The following AP3B1 variants were observed in gnomAD, a reference collection of about 807,000 sequenced individuals.
AP3B1 encodes the protein adaptor related protein complex 3 subunit beta 1.
Under a neutral mutation model 132.5 loss-of-function variants are expected in AP3B1, and 61 were observed. That is an observed-to-expected ratio of 0.46 (90% CI 0.37 to 0.57). The LOEUF is 0.57. Among genes scored for constraint, AP3B1 ranks in the 20% least tolerant of loss-of-function variants. The probability of loss-of-function intolerance (pLI) is 0.00; values close to 1 mark genes in which losing one functional copy is unlikely to be tolerated. For synonymous variants in AP3B1, 388 were observed against 438.3 expected (o/e 0.89, Z 1.43); for missense variants, 1,120 against 1,289.4 (o/e 0.87, Z 2.01).
chr5:78,144,704 C>T (rs548169496), intron 14 of AP3B1, among the ~76,000 whole-genome samples: 3 of 152,254 alleles, frequency 2.0e-5, no homozygotes, highest in South Asian at 4.1e-4. Context: ...ATACAAAGTG[C>T]TATTTCAATA....
At chr5:78,253,991 T>C (rs1341797460) in intron 2 of AP3B1, among the ~76,000 whole-genome samples, 3 of 150,374 alleles carry the variant, frequency 2.0e-5, no homozygotes, top group Non-Finnish European at 4.4e-5. Flanking sequence ...ATCAGATAAA[T>C]TTAACAAAGA....
intron 24 of AP3B1, among the ~76,000 whole-genome samples, chr5:78,026,099 T>C (rs1747330016): frequency 6.6e-6 from 1 of 152,188 alleles, no homozygotes. Context: ...ACAACCCCTT[T>C]GATTAAACAG....
chr5:78,094,566 GAGAC>G (rs1750691352), intron 21 of AP3B1, among the ~76,000 whole-genome samples: 1 of 151,990 alleles, frequency 6.6e-6, no homozygotes, highest in African/African-American at 2.4e-5. Flanking sequence ...TGCTGCCTTA[GAGAC>G]AGACAATCAT....
chr5:78,248,819 G>A (rs1370713198), intron 2 of AP3B1, among the ~76,000 whole-genome samples: 1 of 152,106 alleles, frequency 6.6e-6, no homozygotes, highest in Non-Finnish European at 1.5e-5. Flanking sequence ...TGGATATAGA[G>A]TTCTGGGTTA....
At chr5:78,115,854 G>A (rs1372479269) in intron 18 of AP3B1, among the ~76,000 whole-genome samples, 1 of 152,178 alleles carries the variant, frequency 6.6e-6, no homozygotes, top group African/African-American at 2.4e-5. Context: ...ATTAGGCATT[G>A]TGGTTTAGAA....
Position 78,109,755 on chromosome 5 carries a change from T to A in AP3B1, c.2397+452A>T, listed in dbSNP as rs149002096. Among the ~76,000 whole-genome samples the A allele has an allele frequency of 1.8e-3, 280 of 152,268 alleles. 1 individual carries two copies. The highest frequency in any genetic ancestry group is 6.5e-3 in the African/African-American group (269 of 41,566). On this transcript the variant is annotated intron_variant, in intron 20 of 26. Coordinates refer to ENST00000255194, the MANE Select transcript of AP3B1 (RefSeq NM_003664.5). ...AAGCATTATTATTTTATTATATAAGTGGTTCCATTTGTTTTTAAATAAATG... is the reference window on the plus strand; with the variant it reads ...AAGCATTATTATTTTATTATATAAGAGGTTCCATTTGTTTTTAAATAAATG...
rs542499335 is a variant in AP3B1 at position 78,213,158 on chromosome 5, C to A, written c.786+2897G>T. Among the ~76,000 whole-genome samples, 9 of 152,100 alleles carry A rather than the reference C, an allele frequency of 5.9e-5. No homozygotes were observed. The East Asian group carries it at 1.6e-3, about 26-fold the overall frequency. ...CCTCCCAAAGTGCTGGGATTACAGG[C>A]GTGAGCCACCGCGCCCGGCCTCGTC... On this transcript the variant is annotated intron_variant, in intron 7 of 26. Coordinates refer to ENST00000255194, the MANE Select transcript of AP3B1 (RefSeq NM_003664.5).
At chr5:78,193,513 A>G (rs1381380183) in intron 7 of AP3B1, among the ~76,000 whole-genome samples, 1 of 151,690 alleles carries the variant, frequency 6.6e-6, no homozygotes, top group African/African-American at 2.4e-5. Context: ...CACTTGGTAT[A>G]CTAACCATAC....
intron 2 of AP3B1, among the ~76,000 whole-genome samples, chr5:78,262,620 T>A (rs981848190): frequency 6.6e-6 from 1 of 152,170 alleles, no homozygotes; most frequent in African/African-American, 2.4e-5. Context: ...TACCACAATG[T>A]CTTCACTACT....
intron 15 of AP3B1, 129 bp from the exon 16 acceptor site, chr5:78,129,436 AC>A: frequency 1.5e-5 from 12 of 820,874 alleles, no homozygotes; most frequent in Non-Finnish European, 2.4e-5. Flanking sequence ...CATAGGGAAT[AC>A]ACATTTCTAA....
intron 2 of AP3B1, among the ~76,000 whole-genome samples, chr5:78,249,955 C>A (rs1465340374): frequency 7.9e-5 from 12 of 152,136 alleles, no homozygotes; most frequent in Non-Finnish European, 1.6e-4. Context: ...GCTATTGCAT[C>A]AATCCAGGAT....
chr5:78,126,504 C>CAAAAAAA (rs70997969), intron 17 of AP3B1, among the ~76,000 whole-genome samples: 6 of 62,384 alleles, frequency 9.6e-5, no homozygotes, highest in African/African-American at 4.7e-4. Flanking sequence ...GACTCTGTCT[C>CAAAAAAA]AAAAAAAAAA....
intron 21 of AP3B1, among the ~76,000 whole-genome samples, chr5:78,097,145 C>G (rs1259965078): frequency 1.6e-5 from 2 of 128,274 alleles, no homozygotes; most frequent in African/African-American, 6.6e-5. Flanking sequence ...GCCGCCCCGT[C>G]CGGGAGGTGA....
intron 7 of AP3B1, among the ~76,000 whole-genome samples, chr5:78,201,685 A>C (rs1433719704): frequency 6.6e-6 from 1 of 152,212 alleles, no homozygotes; most frequent in Non-Finnish European, 1.5e-5. Flanking sequence ...CTTCCTGAGC[A>C]AAGAGTGCTG....
chr5:78,050,814 G>A (rs1449286392), intron 22 of AP3B1, among the ~76,000 whole-genome samples: 2 of 152,084 alleles, frequency 1.3e-5, no homozygotes, highest in African/African-American at 4.8e-5. Context: ...AAACTTAGAT[G>A]CATTATAAGC....
intron 11 of AP3B1, among the ~76,000 whole-genome samples, chr5:78,167,212 C>T (rs1743671796): frequency 6.6e-6 from 1 of 152,068 alleles, no homozygotes; most frequent in African/African-American, 2.4e-5. Flanking sequence ...CAAAGATACA[C>T]AAACGGCCAA....
chr5:78,257,113 G>A (rs1211324713), intron 2 of AP3B1, among the ~76,000 whole-genome samples: 2 of 152,122 alleles, frequency 1.3e-5, no homozygotes, highest in Admixed American at 6.6e-5. Flanking sequence ...TCTGGAACAC[G>A]ACAAGGTTGC....
At chr5:78,186,364 T>C (rs1388608300) in intron 7 of AP3B1, among the ~76,000 whole-genome samples, 4 of 152,236 alleles carry the variant, frequency 2.6e-5, no homozygotes, top group East Asian at 1.9e-4. Context: ...TCCATTTATA[T>C]AACATTCTTG....
intron 12 of AP3B1, among the ~76,000 whole-genome samples, chr5:78,163,968 G>A (rs1306345650): frequency 6.6e-6 from 1 of 151,860 alleles, no homozygotes; most frequent in Non-Finnish European, 1.5e-5. Flanking sequence ...TTTAAGTGGT[G>A]TCTAAATGAC....
Sources: allele counts gnomAD v4.1 joint callset (sites outside exome capture counted in the v4.1 genomes callset), GRCh38; gene constraint gnomAD v4.1.1; transcripts MANE v1.5; gene names NCBI Gene and HGNC (gene_info 2026-07-23, HGNC 2026-07-21).